The following HAUS2 variants were observed in gnomAD, a reference collection of about 807,000 sequenced individuals.
The protein encoded by HAUS2 is HAUS augmin-like complex subunit 2.
A neutral mutation model predicts 21.6 loss-of-function variants in HAUS2; 20 were observed. That is an observed-to-expected ratio of 0.93 (90% CI 0.65 to 1.35). HAUS2 has a LOEUF of 1.35. Ranked by LOEUF, HAUS2 falls within the 40% of genes most tolerant of loss-of-function variation. The pLI is 0.00. For missense variants in HAUS2, 297 were observed against 280.7 expected, an observed-to-expected ratio of 1.06 and a Z score of -0.42; for synonymous variants, 113 against 95.6, an observed-to-expected ratio of 1.18 and a Z score of -1.06.
intron 4 of HAUS2, among the ~76,000 whole-genome samples, chr15:42,561,994 T>C (rs978254655): frequency 4.0e-5 from 6 of 151,558 alleles, no homozygotes; most frequent in Admixed American, 1.3e-4. Context: ...CTGGACAACA[T>C]GGCAAAACCC....
At position 42,549,311 on chromosome 15, in the gene HAUS2, TTC is replaced by T. The variant is rs540643250; in HGVS notation, c.93+348_93+349del. 2.0e-4 allele frequency among the ~76,000 whole-genome samples: 30 copies of T among 152,272 alleles called. No homozygotes were observed. The East Asian group carries it at 5.6e-3, about 28-fold the overall frequency. On this transcript the variant is annotated intron_variant, in intron 1 of 5. Coordinates refer to ENST00000260372, the MANE Select transcript of HAUS2 (RefSeq NM_018097.3). ...GGGCGGGGATGGGAAATACGGGTCG[TTC>T]TGTCCCCTTGCGGAACAAGCATTTC...
In HAUS2 at chr15:42,559,376, A is replaced by T. The variant is rs780902927; in HGVS notation, c.224A>T (p.Asp75Val). 2.5e-6 allele frequency: 4 copies of T among 1,606,070 alleles called. No homozygotes were observed. The highest frequency in any genetic ancestry group is 3.4e-6 in the Non-Finnish European group (4 of 1,172,790). The change falls in exon 3 of 6, where the codon GAT becomes GTT. Residue 75 changes from aspartate to valine, a missense_variant. Transcript: ENST00000260372. ...ATTGAACTCCTGAAACTAGAAAAAG[A>T]TACAGCAGATGTTGTTCATCCTTTC... is the stretch of plus-strand genomic sequence containing the variant. Reference protein sequence around the residue: ...LEIELLKLEKDTADVVHPFFL... With the variant: ...LEIELLKLEKVTADVVHPFFL...
At chr15:42,553,127 C>T (rs2057741375) in intron 1 of HAUS2, among the ~76,000 whole-genome samples, 1 of 151,960 alleles carries the variant, frequency 6.6e-6, no homozygotes, top group South Asian at 2.1e-4. Context: ...GCTGAGATTA[C>T]AGGCACATAC....
At chr15:42,557,302 T>C in intron 1 of HAUS2, among the ~76,000 whole-genome samples, 1 of 98,362 alleles carries the variant, frequency 1.0e-5, no homozygotes, top group Non-Finnish European at 2.2e-5. Flanking sequence ...TGCGACAGAG[T>C]GAGACTCCAT....
rs1031052612 is a variant in HAUS2, at chr15:42,568,882, G to A, written c.*2066G>A. 4.6e-5 allele frequency: 7 copies of A among 152,140 alleles called. No individual in the cohort carries two copies. Among genetic ancestry groups the A allele is most frequent in the Non-Finnish European group, 1.0e-4 (7 of 68,046 alleles). The allele number at this position is 152,140 out of a possible 1,614,324, so 9.4% of individuals were successfully genotyped here. On this transcript the variant is annotated 3_prime_UTR_variant, in exon 6 of 6. Coordinates refer to ENST00000260372, the MANE Select transcript of HAUS2 (RefSeq NM_018097.3). ...TGCCTCTGTACCTTTTCTCTTTGCTGTTTTGCTTCATATGCTTTTGCTGTA... is the reference window on the plus strand; with the variant it reads ...TGCCTCTGTACCTTTTCTCTTTGCTATTTTGCTTCATATGCTTTTGCTGTA...
At chr15:42,564,750 A>G (rs2057889131) in intron 5 of HAUS2, among the ~76,000 whole-genome samples, 1 of 152,264 alleles carries the variant, frequency 6.6e-6, no homozygotes, top group Non-Finnish European at 1.5e-5. Context: ...CGGCCTCTTA[A>G]AGTGCTGAGA....
rs1183947895 is a variant in HAUS2, at chr15:42,567,813, C to T, written c.*997C>T. 6.7e-6 allele frequency: 1 copy of T among 150,112 alleles called. No individual in the cohort carries two copies. The highest frequency in any genetic ancestry group is 2.5e-5 in the African/African-American group (1 of 40,722). The allele number at this position is 150,112 out of a possible 1,614,324, so 9.3% of individuals were successfully genotyped here. A position where few individuals can be genotyped will look rare whatever the true frequency, so the allele number is the denominator to read the frequency against. On this transcript the variant is annotated 3_prime_UTR_variant, in exon 6 of 6. Transcript: ENST00000260372. Reference sequence around the variant, plus strand: ...AAGCCAAGATCGTGCCTCTGCACTCCAACCTGGGTGATGGAGCAAGACTCC... The same window carrying T: ...AAGCCAAGATCGTGCCTCTGCACTCTAACCTGGGTGATGGAGCAAGACTCC...
intron 4 of HAUS2, among the ~76,000 whole-genome samples, chr15:42,562,699 A>G (rs1291594754): frequency 6.6e-6 from 1 of 152,260 alleles, no homozygotes; most frequent in East Asian, 1.9e-4. Context: ...GAACTAGGCA[A>G]TGATTTGAAA....
intron 1 of HAUS2, among the ~76,000 whole-genome samples, chr15:42,557,144 C>G (rs2057786534): frequency 6.8e-6 from 1 of 146,186 alleles, no homozygotes; most frequent in South Asian, 2.1e-4. Context: ...GAAACCCCGT[C>G]TCTACTAAAA....
chr15:42,549,038 G>C, intron 1 of HAUS2, 73 bp downstream of exon 1: 2 of 973,176 alleles, frequency 2.1e-6, no homozygotes, highest in Non-Finnish European at 3.2e-6. Flanking sequence ...AGTTGGTGCT[G>C]CTGGCTGTGG....
chr15:42,558,473 G>A (rs1037157888), intron 2 of HAUS2, among the ~76,000 whole-genome samples, 183 bp downstream of exon 2: 3 of 151,524 alleles, frequency 2.0e-5, no homozygotes, highest in Non-Finnish European at 2.9e-5. Context: ...GACTACAGGC[G>A]CCCGCCACCA....
chr15:42,550,728 GCAC>G (rs1284206329), intron 1 of HAUS2, among the ~76,000 whole-genome samples: 1 of 151,954 alleles, frequency 6.6e-6, no homozygotes. Context: ...GAGTGCAGTG[GCAC>G]AGTCTTGGCT....
intron 1 of HAUS2, among the ~76,000 whole-genome samples, chr15:42,557,529 T>G (rs1193125373): frequency 8.5e-6 from 1 of 116,972 alleles, no homozygotes; most frequent in African/African-American, 2.9e-5. Flanking sequence ...ATATATGAAG[T>G]TCTTTGCTGT....
intron 5 of HAUS2, among the ~76,000 whole-genome samples, chr15:42,565,835 G>A (rs1255426285): frequency 6.6e-6 from 1 of 152,140 alleles, no homozygotes; most frequent in East Asian, 1.9e-4. Flanking sequence ...AATTGGACAA[G>A]GGACACATCA....
chr15:42,549,501 C>T (rs1225060444), intron 1 of HAUS2, among the ~76,000 whole-genome samples: 1 of 151,832 alleles, frequency 6.6e-6, no homozygotes, highest in Non-Finnish European at 1.5e-5. Context: ...GGCTGGAGTG[C>T]AGTGGCGTGG....
chr15:42,559,569 G>C (rs931842436), intron 3 of HAUS2, among the ~76,000 whole-genome samples, 161 bp downstream of exon 3: 1 of 152,130 alleles, frequency 6.6e-6, no homozygotes, highest in African/African-American at 2.4e-5. Context: ...TAGAAGTTCT[G>C]TTGGCTTGAG....
intron 3 of HAUS2, among the ~76,000 whole-genome samples, chr15:42,559,884 C>T (rs1254487791): frequency 1.3e-5 from 2 of 152,014 alleles, no homozygotes; most frequent in Admixed American, 6.6e-5. Flanking sequence ...TGTGGCCAGG[C>T]GTGGAGAGTC....
intron 1 of HAUS2, among the ~76,000 whole-genome samples, chr15:42,557,276 A>G (rs1450290794): frequency 3.0e-5 from 4 of 131,652 alleles, no homozygotes; most frequent in Non-Finnish European, 6.3e-5. Context: ...AGATTGCACC[A>G]CTGCACTCCA....
chr15:42,556,504 A>G (rs2057777522), intron 1 of HAUS2, among the ~76,000 whole-genome samples: 1 of 151,474 alleles, frequency 6.6e-6, no homozygotes, highest in Non-Finnish European at 1.5e-5. Flanking sequence ...ACCTCAAATG[A>G]TCTACCCACC....
Sources: gnomAD v4.1 joint callset for allele counts (sites outside exome capture counted in the v4.1 genomes callset) on GRCh38, gnomAD v4.1.1 for gene constraint, MANE v1.5 for transcripts, NCBI Gene and HGNC (gene_info 2026-07-23, HGNC 2026-07-21) for gene names.